NRG1: variants seen among roughly 807,000 people sequenced by gnomAD.
NRG1 encodes pro-neuregulin-1, membrane-bound isoform.
NRG1 carries 18 observed loss-of-function variants against 63.8 expected under a neutral mutation model. The observed-to-expected ratio is 0.28, with a 90% CI of 0.19 to 0.42. NRG1 has a LOEUF of 0.42. Ranked by LOEUF, NRG1 falls within the 10% of genes least tolerant of loss-of-function variation. The pLI is 1.00. For missense variants in NRG1, 762 were observed against 814.7 expected, an observed-to-expected ratio of 0.94 and a Z score of 0.79; for synonymous variants, 302 against 301.3, an observed-to-expected ratio of 1.00 and a Z score of -0.02.
chr8:32,189,276 C>A (rs1386814037), intron 1 of NRG1, among the ~76,000 whole-genome samples: 1 of 152,112 alleles, frequency 6.6e-6, no homozygotes, highest in Non-Finnish European at 1.5e-5. Context: ...TTGTTCCCAT[C>A]TTTATGTTCA....
At chr8:31,848,560 G>C (rs1405317992) in intron 1 of NRG1, among the ~76,000 whole-genome samples, 1 of 152,176 alleles carries the variant, frequency 6.6e-6, no homozygotes, top group Non-Finnish European at 1.5e-5. Flanking sequence ...CGCAGCAGGA[G>C]GCGAGCTGCA....
intron 1 of NRG1, among the ~76,000 whole-genome samples, chr8:32,246,486 A>C (rs1314358164): frequency 6.6e-6 from 1 of 152,136 alleles, no homozygotes. Context: ...TTCTGCCCCA[A>C]ATGAAAAGTA....
chr8:32,597,004 C>T (rs540435323), intron 2 of NRG1, among the ~76,000 whole-genome samples: 1 of 152,288 alleles, frequency 6.6e-6, no homozygotes, highest in Non-Finnish European at 1.5e-5. Flanking sequence ...CATCCCTACA[C>T]TCTTCATTCT....
intron 1 of NRG1, among the ~76,000 whole-genome samples, chr8:32,363,933 A>G (rs959972383): frequency 5.9e-5 from 9 of 152,004 alleles, no homozygotes; most frequent in African/African-American, 2.2e-4. Context: ...TTATATAACT[A>G]TATACTTGTG....
At chr8:31,799,554 C>T (rs1238957905) in intron 1 of NRG1, among the ~76,000 whole-genome samples, 1 of 151,912 alleles carries the variant, frequency 6.6e-6, no homozygotes, top group Admixed American at 6.6e-5. Context: ...ATATTTCTTT[C>T]AGTTATACAC....
At chr8:31,780,745 T>G (rs75541587) in intron 1 of NRG1, among the ~76,000 whole-genome samples, 2,918 of 152,306 alleles carry the variant, frequency 0.019, 68 homozygotes, top group African/African-American at 0.054. Flanking sequence ...TGCTTCAGTG[T>G]ACAGTCACCC....
intron 2 of NRG1, among the ~76,000 whole-genome samples, chr8:32,598,724 G>A (rs533053664): frequency 1.3e-3 from 202 of 152,206 alleles, no homozygotes; most frequent in African/African-American, 4.7e-3. Flanking sequence ...AGAGTGGACA[G>A]CTACTTGAGA....
intron 1 of NRG1, among the ~76,000 whole-genome samples, chr8:32,320,137 G>A (rs1801212986): frequency 6.6e-6 from 1 of 152,104 alleles, no homozygotes; most frequent in South Asian, 2.1e-4. Flanking sequence ...ACTGATATCT[G>A]CATCATACAT....
intron 1 of NRG1, among the ~76,000 whole-genome samples, chr8:32,414,828 A>C (rs115973678): frequency 1.3e-5 from 2 of 152,258 alleles, no homozygotes; most frequent in South Asian, 4.1e-4. Context: ...AACCAGGTAA[A>C]TGTTAAGGTG....
intron 1 of NRG1, among the ~76,000 whole-genome samples, chr8:32,340,244 T>TAC (rs1190841007): frequency 2.0e-5 from 3 of 152,164 alleles, no homozygotes; most frequent in Non-Finnish European, 4.4e-5. Context: ...TATGCATACA[T>TAC]ACACACACAC....
intron 1 of NRG1, among the ~76,000 whole-genome samples, chr8:32,273,181 T>G (rs1275602163): frequency 6.6e-6 from 1 of 152,190 alleles, no homozygotes; most frequent in Non-Finnish European, 1.5e-5. Flanking sequence ...TTGCTATGAG[T>G]TGCATATGTG....
At chr8:32,545,653 A>T (rs1832997657), upstream of NRG1, among the ~76,000 whole-genome samples, 1 of 152,166 alleles carries the variant, frequency 6.6e-6, no homozygotes. Flanking sequence ...ACTGTCCAAG[A>T]AATGGACATT....
At chr8:32,599,722 T>C (rs1180100230) in intron 2 of NRG1, among the ~76,000 whole-genome samples, 1 of 152,216 alleles carries the variant, frequency 6.6e-6, no homozygotes, top group Non-Finnish European at 1.5e-5. Flanking sequence ...GACAGATTCA[T>C]ATGTAAGGAC....
intron 1 of NRG1, among the ~76,000 whole-genome samples, chr8:31,956,623 CA>C (rs1199143461): frequency 2.8e-4 from 41 of 146,182 alleles, no homozygotes; most frequent in African/African-American, 3.0e-4. Context: ...GACTCCGTCT[CA>C]AAAAAAAAAA....
chr8:31,688,909 A>G (rs1809190513), intron 1 of NRG1, among the ~76,000 whole-genome samples: 1 of 152,208 alleles, frequency 6.6e-6, no homozygotes, highest in South Asian at 2.1e-4. Flanking sequence ...CTGGGCTAAA[A>G]TCAAGGTGTC....
At chr8:31,794,418 T>C (rs929730560) in intron 1 of NRG1, among the ~76,000 whole-genome samples, 2 of 151,470 alleles carry the variant, frequency 1.3e-5, no homozygotes, top group African/African-American at 4.9e-5. Context: ...ACAAAGATAA[T>C]TAAAACATTG....
At chr8:32,301,657 C>G (rs146165881) in intron 1 of NRG1, among the ~76,000 whole-genome samples, 2,695 of 152,260 alleles carry the variant, frequency 0.018, 79 homozygotes, top group African/African-American at 0.062. Context: ...GAGCAAATCA[C>G]ATCTTAGGTG....
intron 1 of NRG1, among the ~76,000 whole-genome samples, chr8:32,565,639 A>G (rs1251987537): frequency 6.6e-6 from 1 of 152,054 alleles, no homozygotes; most frequent in African/African-American, 2.4e-5. Flanking sequence ...TAAACCTAGC[A>G]GTTTTATTTG....
chr8:31,986,551 G>A (rs1810103765), intron 1 of NRG1, among the ~76,000 whole-genome samples: 1 of 152,106 alleles, frequency 6.6e-6, no homozygotes, highest in Admixed American at 6.6e-5. Context: ...TGGAGACAAT[G>A]GAGCATGAAA....
Sources: gnomAD v4.1 joint callset for allele counts (sites outside exome capture counted in the v4.1 genomes callset) on GRCh38, gnomAD v4.1.1 for gene constraint, MANE v1.5 for transcripts, NCBI Gene and HGNC (gene_info 2026-07-23, HGNC 2026-07-21) for gene names.